Variants in PCDHGA5 observed in about 807,000 individuals in gnomAD.
PCDHGA5 encodes the protein protocadherin gamma subfamily A, 5, also known as protocadherin gamma-A5.
Under a neutral mutation model 56.7 loss-of-function variants are expected in PCDHGA5, and 36 were observed. The ratio of observed to expected loss-of-function variants is 0.64; its 90% CI spans 0.49 to 0.84. PCDHGA5 has a LOEUF of 0.84. Ranked by LOEUF, PCDHGA5 falls within the 40% of genes least tolerant of loss-of-function variation. The pLI is 0.00. For synonymous variants in PCDHGA5, 563 were observed against 520.2 expected (o/e 1.08, Z -1.12); for missense variants, 1,305 against 1,201.5 (o/e 1.09, Z -1.27).
intron 1 of PCDHGA5, chr5:141,372,300 G>A: frequency 2.5e-6 from 4 of 1,613,366 alleles, no homozygotes; most frequent in Non-Finnish European, 3.4e-6. Context: ...GGGCGACAGG[G>A]AGGCCGCCCG....
rs1019219811 is a variant in PCDHGA5, at chr5:141,420,399, T to G, written c.2421+53648T>G. ...AGAGTTCGCAAAATATAGGTCAAAT[T>G]TATGGTTATCATTATTAAAACAAAA... On this transcript the variant is annotated intron_variant, in intron 1 of 3. Transcript: ENST00000518069. 5.6e-6 allele frequency: 7 copies of G among 1,257,080 alleles called. No individual in the cohort carries two copies. In the Admixed American group the frequency reaches 1.8e-4, roughly 32 times the overall value. 77.9% of individuals were successfully genotyped at this position (1,257,080 alleles called of 1,614,324 possible).
intron 1 of PCDHGA5, chr5:141,422,736 C>T (rs1408210168): frequency 9.9e-6 from 16 of 1,608,328 alleles, no homozygotes; most frequent in Non-Finnish European, 1.2e-5. Context: ...TGCCTCTGTC[C>T]TCCTATGTCT....
chr5:141,452,278 T>C (rs1047687328), intron 1 of PCDHGA5, among the ~76,000 whole-genome samples: 1 of 152,226 alleles, frequency 6.6e-6, no homozygotes, highest in African/African-American at 2.4e-5. Context: ...AACCCTTTCT[T>C]ACTTTCTGAT....
At chr5:141,375,021 G>C (rs780712160) in intron 1 of PCDHGA5, 3 of 1,614,036 alleles carry the variant, frequency 1.9e-6, no homozygotes, top group Non-Finnish European at 2.5e-6. Context: ...GAGGACTCGA[G>C]TTTTTATGAG....
In PCDHGA5 at chr5:141,365,129, A is replaced by G; in HGVS notation, c.799A>G (p.Thr267Ala). 6.2e-7 allele frequency: 1 copy of G among 1,613,908 alleles called. No individual in the cohort carries two copies. The highest frequency in any genetic ancestry group is 8.5e-7 in the Non-Finnish European group (1 of 1,179,862). The stretch of plus-strand genomic sequence containing the variant: ...CACTCGGCTGCTCATGCTAACCGCC[A>G]CGGATCCAGATGAGGGAATAAACGG... ...VGTRLLMLTA[T>A]DPDEGINGKL... Residue 267 changes from threonine to alanine, a missense_variant, in exon 1 of 4, where the codon ACG becomes GCG. Transcript: ENST00000518069.
In PCDHGA5 at chr5:141,490,959, C is replaced by T. The variant is rs1385897960; in HGVS notation, c.2422-3848C>T. ...TGCACCCACGGCCAGACTGGGAACA[C>T]TCAGCCCCCCAGCGTCTCCCTCGCT... On this transcript the variant is annotated intron_variant, in intron 1 of 3. Transcript: ENST00000518069. The surrounding 1 kb of genome is among the most constrained non-coding windows in gnomAD (Gnocchi z 5.4). 6.2e-7 allele frequency: 1 copy of T among 1,613,844 alleles called. No individual in the cohort carries two copies. Among genetic ancestry groups the T allele is most frequent in the South Asian group, 1.1e-5 (1 of 91,038 alleles).
Position 141,410,843 on chromosome 5 carries a change from CTT to C in PCDHGA5, c.2421+44094_2421+44095del, listed in dbSNP as rs1452086070. 5.3e-4 allele frequency: 115 copies of C among 216,326 alleles called. 1 individual carries two copies. In the East Asian group the frequency reaches 7.7e-3, roughly 14 times the overall value. 13.4% of individuals were successfully genotyped at this position (216,326 alleles called of 1,614,324 possible). A position where few individuals can be genotyped will look rare whatever the true frequency, so the allele number is the denominator to read the frequency against. The stretch of plus-strand genomic sequence containing the variant: ...TGTCACCAGACTGAAGATATTTTGT[CTT>C]TGTCTTTTTTTTTTTTTTTTTTTTT... On this transcript the variant is annotated intron_variant, in intron 1 of 3. Transcript: ENST00000518069.
chr5:141,382,992 T>G, intron 1 of PCDHGA5: 2 of 1,613,578 alleles, frequency 1.2e-6, no homozygotes, highest in Non-Finnish European at 1.7e-6. Context: ...CAGGACGTAT[T>G]CTCTACTCCG....
intron 2 of PCDHGA5, among the ~76,000 whole-genome samples, chr5:141,499,029 A>G (rs140948405): frequency 1.5e-3 from 205 of 140,068 alleles, no homozygotes; most frequent in African/African-American, 5.5e-3. Context: ...AGGAAGGAAG[A>G]AAAGAAAGAA....
intron 1 of PCDHGA5, among the ~76,000 whole-genome samples, chr5:141,464,444 T>C (rs2099084887): frequency 6.6e-6 from 1 of 151,634 alleles, no homozygotes; most frequent in East Asian, 1.9e-4. Context: ...TGTTTGTTGT[T>C]GTTGTTGTTA....
At chr5:141,394,235 G>C (rs1444438979) in intron 1 of PCDHGA5, 1 of 1,613,820 alleles carries the variant, frequency 6.2e-7, no homozygotes, top group South Asian at 1.1e-5. Flanking sequence ...TCTTTTCCTT[G>C]ACTGCACACG....
intron 1 of PCDHGA5, chr5:141,392,542 A>T: frequency 3.1e-6 from 1 of 323,438 alleles, no homozygotes; most frequent in South Asian, 1.2e-4. Flanking sequence ...ATTTAGAAGT[A>T]ATCTGTATCT....
In PCDHGA5 at chr5:141,485,589, A is replaced by G. The variant is rs1407992185; in HGVS notation, c.2422-9218A>G. 6.2e-7 allele frequency: 1 copy of G among 1,612,610 alleles called. No homozygotes were observed. Among genetic ancestry groups the G allele is most frequent in the Non-Finnish European group, 8.5e-7 (1 of 1,178,834 alleles). On this transcript the variant is annotated intron_variant, in intron 1 of 3. Coordinates refer to ENST00000518069, the MANE Select transcript of PCDHGA5 (RefSeq NM_018918.3). The surrounding 1 kb of genome is among the most constrained non-coding windows in gnomAD (Gnocchi z 5.7). Reference sequence around the variant, plus strand: ...CCCCGTTTTCCGCGGCAGCAGCTGGACTTGGAAATTGGGGAGGCAGCTCCT... The same window carrying G: ...CCCCGTTTTCCGCGGCAGCAGCTGGGCTTGGAAATTGGGGAGGCAGCTCCT...
intron 1 of PCDHGA5, chr5:141,390,350 A>G: frequency 6.4e-7 from 1 of 1,563,816 alleles, no homozygotes; most frequent in South Asian, 1.2e-5. Context: ...AAGAAAATAT[A>G]CATATTTGCA....
rs182132552 is a variant in PCDHGA5 at position 141,435,146 on chromosome 5, T to A, written c.2422-59661T>A. Among the ~76,000 whole-genome samples the A allele has an allele frequency of 4.6e-3, 696 of 152,288 alleles. 5 individuals carry two copies. Among genetic ancestry groups the A allele is most frequent in the African/African-American group, 0.016 (677 of 41,554 alleles). ...ATGGAAAATATAAATAAAATTGTGA[T>A]AAACTTTTGTAAATAGAGTGGCTTT... On this transcript the variant is annotated intron_variant, in intron 1 of 3. Transcript: ENST00000518069.
chr5:141,478,635 A>T, intron 1 of PCDHGA5: 1 of 1,552,830 alleles, frequency 6.4e-7, no homozygotes, highest in Non-Finnish European at 8.7e-7. Context: ...TTTTTTAGTG[A>T]TGAAGATGTT....
At position 141,486,891 on chromosome 5, in the gene PCDHGA5, G is replaced by C. The variant is rs201201426; in HGVS notation, c.2422-7916G>C. On this transcript the variant is annotated intron_variant, in intron 1 of 3. Transcript: ENST00000518069. This position sits in a 1 kb window ranked among gnomAD's most constrained non-coding sequence, Gnocchi z 5.0. ...GTGCTCCGTCCTCGGGCCCGGCCTGGTTCCTTATGTCCCCAAGCACTGCCT... is the reference window on the plus strand; with the variant it reads ...GTGCTCCGTCCTCGGGCCCGGCCTGCTTCCTTATGTCCCCAAGCACTGCCT... 14 of 1,614,118 alleles carry C rather than the reference G, an allele frequency of 8.7e-6. No homozygotes were observed. The highest frequency in any genetic ancestry group is 3.3e-5 in the Admixed American group (2 of 60,008).
At chr5:141,419,084 G>A in intron 1 of PCDHGA5, 2 of 1,613,920 alleles carry the variant, frequency 1.2e-6, no homozygotes, top group Non-Finnish European at 1.7e-6. Flanking sequence ...AACAGATGAG[G>A]CCCTGGATCG....
At chr5:141,412,195 C>T (rs1326751515) in intron 1 of PCDHGA5, 2 of 152,208 alleles carry the variant, frequency 1.3e-5, no homozygotes, top group African/African-American at 4.8e-5. Context: ...CTGATGAAAA[C>T]AGGTCATTTG....
Sources: gnomAD v4.1 joint callset for allele counts (sites outside exome capture counted in the v4.1 genomes callset) on GRCh38, gnomAD v4.1.1 for gene constraint, Gnocchi (gnomAD v3.1) non-coding constraint, MANE v1.5 for transcripts, NCBI Gene and HGNC (gene_info 2026-07-23, HGNC 2026-07-21) for gene names.